The following PSG9 variants were observed in gnomAD, a reference collection of about 807,000 sequenced individuals.
PSG9 encodes the protein pregnancy-specific beta-1-glycoprotein 9.
PSG9 carries 49 observed loss-of-function variants against 41.9 expected under a neutral mutation model. That is an observed-to-expected ratio of 1.17 (90% CI 0.93 to 1.48). The LOEUF (loss-of-function observed/expected upper bound fraction) is 1.48. Ranked by LOEUF, PSG9 falls within the 40% of genes most tolerant of loss-of-function variation. PSG9 has a pLI of 0.00. For missense variants in PSG9, 641 were observed against 520.3 expected (o/e 1.23, Z -2.26); for synonymous variants, 263 against 196.8 (o/e 1.34, Z -2.82).
chr19:43,258,832 C>A (rs775842289), intron 4 of PSG9, 25 bp downstream of exon 4: 2 of 1,585,362 alleles, frequency 1.3e-6, no homozygotes, highest in South Asian at 2.2e-5. Context: ...GTGTCCTGGC[C>A]CACAGAGGAA....
intron 2 of PSG9, among the ~76,000 whole-genome samples, chr19:43,264,052 A>G (rs1968851468): frequency 6.6e-6 from 1 of 152,250 alleles, no homozygotes; most frequent in East Asian, 1.9e-4. Context: ...GGAAGATTCT[A>G]AGTGAGATGC....
chr19:43,264,820 G>C (rs983026341), intron 2 of PSG9, among the ~76,000 whole-genome samples: 1 of 152,182 alleles, frequency 6.6e-6, no homozygotes, highest in African/African-American at 2.4e-5. Flanking sequence ...TGTTAGAACT[G>C]AGTGACAAAT....
At chr19:43,261,053 C>A (rs1419342566) in intron 3 of PSG9, among the ~76,000 whole-genome samples, 1 of 152,056 alleles carries the variant, frequency 6.6e-6, no homozygotes, top group Non-Finnish European at 1.5e-5. Context: ...AGTGAAGGGA[C>A]AGGCAAAAGC....
At chr19:43,255,353 G>A (rs1296336283) in intron 5 of PSG9, among the ~76,000 whole-genome samples, 1 of 145,698 alleles carries the variant, frequency 6.9e-6, no homozygotes, top group Non-Finnish European at 1.5e-5. Flanking sequence ...AGAATGGAAG[G>A]AAACCACCTC....
In PSG9 at chr19:43,268,044, T is replaced by C. The variant is rs755312344; in HGVS notation, c.170A>G (p.Asn57Ser). The change falls in exon 2 of 6, where the codon AAT becomes AGT. Residue 57 changes from asparagine (N) to serine (S), a missense_variant. Physicochemically the swap from Asn to Ser is conservative, Grantham distance 46. Coordinates refer to ENST00000270077, the MANE Select transcript of PSG9 (RefSeq NM_002784.5). ...EGKDVLLLVH[N>S]LPQNLPGYFW... ...GTAGCCAGGAAGATTCTGGGGCAAA[T>C]TGTGGACAAGTAGAAGAACATCCTT... 2 of 1,613,718 alleles carry C rather than the reference T, an allele frequency of 1.2e-6. No individual in the cohort carries two copies. The highest frequency in any genetic ancestry group is 4.5e-5 in the East Asian group (2 of 44,860).
chr19:43,257,468 C>A, intron 5 of PSG9: 13 of 977,132 alleles, frequency 1.3e-5, no homozygotes, highest in Non-Finnish European at 1.6e-5. Flanking sequence ...TCACTGTCCT[C>A]CGTGCTGTGT....
chr19:43,261,748 T>C (rs1968723269), intron 3 of PSG9, 112 bp downstream of exon 3: 5 of 1,611,556 alleles, frequency 3.1e-6, no homozygotes, highest in Non-Finnish European at 4.2e-6. Flanking sequence ...AGCTTTGATG[T>C]CTAGGGGTAA....
rs1383748135 is a variant in PSG9 at position 43,253,442 on chromosome 19, T to C, written c.*167A>G. 1 of 437,308 alleles carries C rather than the reference T, an allele frequency of 2.3e-6. No individual in the cohort carries two copies. Among genetic ancestry groups the C allele is most frequent in the Non-Finnish European group, 4.0e-6 (1 of 248,844 alleles). 27.1% of individuals were successfully genotyped at this position (437,308 alleles called of 1,614,324 possible). A position where few individuals can be genotyped will look rare whatever the true frequency, so the allele number is the denominator to read the frequency against. ...TTGCTGAAGAAAAAAAGTTCATAAA[T>C]CTGGAGAATAAAACATTCAAAGAAT... On this transcript the variant is annotated 3_prime_UTR_variant, in exon 6 of 6. Coordinates refer to ENST00000270077, the MANE Select transcript of PSG9 (RefSeq NM_002784.5).
intron 5 of PSG9, among the ~76,000 whole-genome samples, chr19:43,256,904 G>T (rs1192540564): frequency 6.8e-6 from 1 of 146,882 alleles, no homozygotes; most frequent in African/African-American, 2.6e-5. Flanking sequence ...GTACACTGAT[G>T]TTCAGAGAAG....
chr19:43,256,708 G>A (rs1286452753), intron 5 of PSG9, among the ~76,000 whole-genome samples: 1 of 146,690 alleles, frequency 6.8e-6, no homozygotes, highest in African/African-American at 2.6e-5. Flanking sequence ...AACAACAGGT[G>A]TTTGCAAGTA....
At position 43,268,945 on chromosome 19, in the gene PSG9, G is replaced by C. The variant is rs7246467; in HGVS notation, c.64+423C>G. 1.1e-3 allele frequency among the ~76,000 whole-genome samples: 166 copies of C among 152,072 alleles called. 1 individual carries two copies. Among genetic ancestry groups the C allele is most frequent in the African/African-American group, 4.0e-3 (164 of 41,498 alleles). On this transcript the variant is annotated intron_variant, in intron 1 of 5. Coordinates refer to ENST00000270077, the MANE Select transcript of PSG9 (RefSeq NM_002784.5). ...CGGTTCAATGTGACTTTCCTCTTTT[G>C]ACCCCTGTCCCTCTCTGGTGTATTT...
intron 2 of PSG9, among the ~76,000 whole-genome samples, chr19:43,267,578 G>A (rs571486906): frequency 6.6e-6 from 1 of 152,084 alleles, no homozygotes; most frequent in Non-Finnish European, 1.5e-5. Flanking sequence ...TGCAGCGAGT[G>A]TCTGCAGGGT....
chr19:43,259,521 C>T lies in PSG9; in HGVS notation c.710-386G>A, dbSNP rs1370823643. 25 of 250,458 alleles carry T rather than the reference C, an allele frequency of 1.0e-4. 4 individuals are homozygous for T. The highest frequency in any genetic ancestry group is 4.7e-4 in the East Asian group (4 of 8,422). The allele number at this position is 250,458 out of a possible 1,614,324, so 15.5% of individuals were successfully genotyped here. A position where few individuals can be genotyped will look rare whatever the true frequency, so the allele number is the denominator to read the frequency against. ...CCCTTCCAAATTCCATCCTACTTTGCCCCCCTATATGTGATTTCTCTGCAG... is the reference window on the plus strand; with the variant it reads ...CCCTTCCAAATTCCATCCTACTTTGTCCCCCTATATGTGATTTCTCTGCAG... On this transcript the variant is annotated intron_variant, in intron 3 of 5. Coordinates refer to ENST00000270077, the MANE Select transcript of PSG9 (RefSeq NM_002784.5).
intron 5 of PSG9, among the ~76,000 whole-genome samples, chr19:43,254,014 T>C (rs2122490393): frequency 6.9e-6 from 1 of 145,722 alleles, no homozygotes; most frequent in East Asian, 2.4e-4. Flanking sequence ...AAAACTAACA[T>C]ACCAGACTTG....
At chr19:43,260,845 T>C (rs1599827111) in intron 3 of PSG9, 1 of 152,144 alleles carries the variant, frequency 6.6e-6, no homozygotes, top group African/African-American at 2.4e-5. Context: ...ATGAAATGTC[T>C]TTCCATATAT....
chr19:43,257,971 G>T, intron 5 of PSG9: 2 of 1,460,346 alleles, frequency 1.4e-6, no homozygotes, highest in African/African-American at 3.0e-5. Context: ...GGCTGATAAA[G>T]CCCCCTCCCT....
chr19:43,266,208 T>A (rs1193681684), intron 2 of PSG9, among the ~76,000 whole-genome samples: 5 of 151,764 alleles, frequency 3.3e-5, no homozygotes, highest in Non-Finnish European at 7.4e-5. Flanking sequence ...CAAGGAGCCC[T>A]GAGAACCCTC....
At chr19:43,269,065 C>T (rs1455055877) in intron 1 of PSG9, among the ~76,000 whole-genome samples, 13 of 151,930 alleles carry the variant, frequency 8.6e-5, no homozygotes, top group East Asian at 3.9e-4. Context: ...CGTGCAGTGG[C>T]GGTATCTCGG....
rs187446101 is a variant in PSG9, at chr19:43,262,036, T to C, written c.533A>G (p.Tyr178Cys). 1.9e-6 allele frequency: 3 copies of C among 1,613,964 alleles called. No individual in the cohort carries two copies. In the East Asian group the frequency reaches 6.7e-5, roughly 36 times the overall value. Residue 178 changes from tyrosine to cysteine, a missense_variant, in exon 3 of 6, where the codon TAC becomes TGC. Coordinates refer to ENST00000270077, the MANE Select transcript of PSG9 (RefSeq NM_002784.5). ...ICDPETLDAS[Y>C]LWWMNGQSLP... The stretch of plus-strand genomic sequence containing the variant: ...GCTCTGACCATTCATCCACCATAGG[T>C]AGCTTGCGTCCAGAGTCTCAGGATC...
Sources: allele counts gnomAD v4.1 joint callset (sites outside exome capture counted in the v4.1 genomes callset), GRCh38; gene constraint gnomAD v4.1.1; transcripts MANE v1.5; gene names NCBI Gene and HGNC (gene_info 2026-07-23, HGNC 2026-07-21).